The following SLC12A7 variants were observed in gnomAD, a reference collection of about 807,000 sequenced individuals.
SLC12A7 encodes solute carrier family 12 member 7, also known as K-Cl cotransporter 4.
Under a neutral mutation model 120.6 loss-of-function variants are expected in SLC12A7, and 100 were observed. That is an observed-to-expected ratio of 0.83 (90% CI 0.71 to 0.98). SLC12A7 has a LOEUF of 0.98. Among genes scored for constraint, SLC12A7 ranks in the 50% least tolerant of loss-of-function variants. The pLI is 0.00. For missense variants in SLC12A7, 1,373 were observed against 1,548.1 expected, an observed-to-expected ratio of 0.89 and a Z score of 1.90; for synonymous variants, 760 against 678.0, an observed-to-expected ratio of 1.12 and a Z score of -1.88.
At position 1,053,489 on chromosome 5, in the gene SLC12A7, G is replaced by A; in HGVS notation, c.3027-7C>T. On this transcript the variant is annotated splice_polypyrimidine_tract_variant and splice_region_variant and intron_variant, in intron 22 of 23. Coordinates refer to ENST00000264930, the MANE Select transcript of SLC12A7 (RefSeq NM_006598.3). ...CCTGACGTTGGACTGGTCCCTGCAG[G>A]GGAGGTGGGCACGGTCAGCGGGCGG... 1 of 1,612,910 alleles carries A rather than the reference G, an allele frequency of 6.2e-7. No homozygotes were observed. Among genetic ancestry groups the A allele is most frequent in the Non-Finnish European group, 8.5e-7 (1 of 1,179,614 alleles).
At chr5:1,053,174 C>T (rs1735237154) in intron 23 of SLC12A7, among the ~76,000 whole-genome samples, 175 bp downstream of exon 23, 1 of 152,200 alleles carries the variant, frequency 6.6e-6, no homozygotes, top group Non-Finnish European at 1.5e-5. Flanking sequence ...CCAACTCTGG[C>T]CCGGTCACCA....
intron 23 of SLC12A7, among the ~76,000 whole-genome samples, chr5:1,052,849 C>A (rs1191806169): frequency 6.6e-6 from 1 of 152,240 alleles, no homozygotes; most frequent in African/African-American, 2.4e-5. Flanking sequence ...TGGTGCCAAC[C>A]TGGCAGGGAT....
At chr5:1,139,068 G>C in the SLC12A7 span, among the ~76,000 whole-genome samples, 1 of 29,852 alleles carries the variant, frequency 3.3e-5, no homozygotes, top group Non-Finnish European at 5.1e-5. Flanking sequence ...AGCTTGGGGT[G>C]GGGGGGGGGC....
chr5:1,065,389 C>A lies in SLC12A7; in HGVS notation c.2331G>T (p.Leu777=). ...SSSLRDGMSH[L]IQSAGLGGLK... ...GGCCGCCCAGGCCGGCCGACTGGAT[C>A]AGGTGGGACATGCCATCCCGCAGGC... The change falls in exon 18 of 24, where the codon CTG becomes CTT. Residue 777 remains leucine (L), a synonymous_variant. Coordinates refer to ENST00000264930, the MANE Select transcript of SLC12A7 (RefSeq NM_006598.3). 1 of 1,612,730 alleles carries A rather than the reference C, an allele frequency of 6.2e-7. No individual in the cohort carries two copies. Among genetic ancestry groups the A allele is most frequent in the South Asian group, 1.1e-5 (1 of 91,066 alleles).
intron 1 of SLC12A7, among the ~76,000 whole-genome samples, chr5:1,096,732 G>GAA (rs1741200084): frequency 2.6e-5 from 1 of 39,088 alleles, no homozygotes. Context: ...AAGGAGGGAG[G>GAA]GGGGAAGGGA....
At chr5:1,105,723 C>T (rs1742476142) in intron 1 of SLC12A7, among the ~76,000 whole-genome samples, 1 of 152,226 alleles carries the variant, frequency 6.6e-6, no homozygotes, top group South Asian at 2.1e-4. Flanking sequence ...CCCTGGGCAG[C>T]ACTTCCCCAG....
the SLC12A7 span, among the ~76,000 whole-genome samples, chr5:1,147,404 C>T: frequency 4.6e-5 from 7 of 151,818 alleles, no homozygotes; most frequent in Non-Finnish European, 1.0e-4. Flanking sequence ...CCCTCCGACC[C>T]GGAGAGACCC....
chr5:1,089,203 A>C, intron 3 of SLC12A7, 75 bp from the exon 4 acceptor site: 1 of 1,540,464 alleles, frequency 6.5e-7, no homozygotes, highest in Non-Finnish European at 8.8e-7. Context: ...GGCTGCACTC[A>C]GGCCCTGGGC....
chr5:1,084,400 G>A (rs1450800998), intron 7 of SLC12A7, among the ~76,000 whole-genome samples: 8 of 152,196 alleles, frequency 5.3e-5, no homozygotes, highest in Non-Finnish European at 1.0e-4. Flanking sequence ...CTCCCTCCCC[G>A]AGGCCCTCGG....
chr5:1,064,298 C>A, intron 18 of SLC12A7, 46 bp from the exon 19 acceptor site: 6 of 1,572,194 alleles, frequency 3.8e-6, no homozygotes, highest in Non-Finnish European at 5.2e-6. Flanking sequence ...GGCCAGGGTG[C>A]GGAAGGGGCC....
the SLC12A7 span, among the ~76,000 whole-genome samples, chr5:1,140,896 G>A: frequency 6.6e-6 from 1 of 152,250 alleles, no homozygotes; most frequent in Non-Finnish European, 1.5e-5. Context: ...AACCCCTTGG[G>A]AGGCTCAGCA....
the SLC12A7 span, among the ~76,000 whole-genome samples, chr5:1,147,433 G>A: frequency 4.2e-3 from 628 of 149,968 alleles, 6 homozygotes; most frequent in African/African-American, 0.014. Flanking sequence ...TCCCACACCC[G>A]GAGAGACCCG....
At chr5:1,100,429 C>T (rs1029391943) in intron 1 of SLC12A7, among the ~76,000 whole-genome samples, 5 of 152,270 alleles carry the variant, frequency 3.3e-5, no homozygotes, top group African/African-American at 9.6e-5. Flanking sequence ...TCGATGGTCT[C>T]GCAGCAGCCC....
chr5:1,127,173 C>T, the SLC12A7 span, among the ~76,000 whole-genome samples: 2 of 152,238 alleles, frequency 1.3e-5, no homozygotes, highest in African/African-American at 2.4e-5. Flanking sequence ...CGCCACCACG[C>T]CCAGCTAATT....
At chr5:1,112,259 G>A (rs1042185873), upstream of SLC12A7, among the ~76,000 whole-genome samples, 45 of 151,200 alleles carry the variant, frequency 3.0e-4, no homozygotes, top group South Asian at 6.3e-4. Flanking sequence ...CCATCGCAGA[G>A]CCCGCGAATC....
intron 10 of SLC12A7, 152 bp from the exon 11 acceptor site, chr5:1,078,910 T>G (rs1371292619): frequency 2.9e-6 from 2 of 679,282 alleles, no homozygotes; most frequent in Non-Finnish European, 5.3e-6. Context: ...TCCCATCCCA[T>G]CCCGGGCACG....
the SLC12A7 span, among the ~76,000 whole-genome samples, chr5:1,153,204 G>A: frequency 6.6e-6 from 1 of 152,172 alleles, no homozygotes. Flanking sequence ...TGGGAGGAGG[G>A]ACGGGCTTGC....
intron 20 of SLC12A7, among the ~76,000 whole-genome samples, chr5:1,062,557 G>A (rs148649768): frequency 1.6e-3 from 241 of 152,312 alleles, no homozygotes; most frequent in African/African-American, 5.5e-3. Context: ...TGAGTTCCAC[G>A]GGAACTGACA....
Position 1,079,352 on chromosome 5 carries a change from C to T in SLC12A7, c.1396+46G>A, listed in dbSNP as rs755286212. On this transcript the variant is annotated intron_variant, in intron 10 of 23. Coordinates refer to ENST00000264930, the MANE Select transcript of SLC12A7 (RefSeq NM_006598.3). ...AGCCGGGGAGGGCATGGGGGCCTCC[C>T]CCCAGGCAGAGGCTGGAACCCTCGC... is the stretch of plus-strand genomic sequence containing the variant. The T allele has an allele frequency of 2.7e-6, 4 of 1,486,788 alleles. No individual in the cohort carries two copies. In the South Asian group the frequency reaches 3.4e-5, roughly 13 times the overall value. 92.1% of individuals were successfully genotyped at this position (1,486,788 alleles called of 1,614,324 possible).
Sources: allele counts gnomAD v4.1 joint callset (sites outside exome capture counted in the v4.1 genomes callset), GRCh38; gene constraint gnomAD v4.1.1; transcripts MANE v1.5; gene names NCBI Gene and HGNC (gene_info 2026-07-23, HGNC 2026-07-21).